VPS53: variants seen among roughly 807,000 people sequenced by gnomAD.
VPS53 encodes the protein vacuolar protein sorting-associated protein 53 homolog.
A neutral mutation model predicts 107.0 loss-of-function variants in VPS53; 70 were observed. The ratio of observed to expected loss-of-function variants is 0.65; its 90% CI spans 0.54 to 0.80. The LOEUF is 0.80. Among genes scored for constraint, VPS53 ranks in the 30% least tolerant of loss-of-function variants. The probability of loss-of-function intolerance (pLI) is 0.00; values close to 1 mark genes in which losing one functional copy is unlikely to be tolerated. For synonymous variants in VPS53, 409 were observed against 393.3 expected, an observed-to-expected ratio of 1.04 and a Z score of -0.47; for missense variants, 917 against 1,049.4, an observed-to-expected ratio of 0.87 and a Z score of 1.74.
intron 7 of VPS53, among the ~76,000 whole-genome samples, chr17:640,547 A>G (rs1178011331): frequency 3.9e-5 from 6 of 152,058 alleles, no homozygotes; most frequent in African/African-American, 9.7e-5. Flanking sequence ...AGAACTGCCT[A>G]TGTCGCCATG....
intron 7 of VPS53, among the ~76,000 whole-genome samples, chr17:641,306 G>A (rs911257276): frequency 6.6e-6 from 1 of 152,172 alleles, no homozygotes; most frequent in African/African-American, 2.4e-5. Flanking sequence ...ATAAGCAATT[G>A]CTTAAATAGG....
chr17:705,850 G>C (rs921769816), intron 2 of VPS53: 1 of 152,420 alleles, frequency 6.6e-6, no homozygotes, highest in Non-Finnish European at 1.5e-5. Context: ...GTTGCAGTGA[G>C]CTATGATTGT....
chr17:689,604 G>A (rs1972708781), intron 4 of VPS53, among the ~76,000 whole-genome samples: 1 of 151,176 alleles, frequency 6.6e-6, no homozygotes, highest in Non-Finnish European at 1.5e-5. Context: ...CTCGTGAGTA[G>A]CTGGGACTAC....
At chr17:531,576 C>T (rs941022023) in intron 19 of VPS53, among the ~76,000 whole-genome samples, 1 of 151,872 alleles carries the variant, frequency 6.6e-6, no homozygotes, top group Admixed American at 6.6e-5. Flanking sequence ...ACGATCATAG[C>T]TCACTTCAGC....
At chr17:656,646 CT>C (rs1216121138) in intron 5 of VPS53, 2 of 546,674 alleles carry the variant, frequency 3.7e-6, no homozygotes, top group Non-Finnish European at 6.4e-6. Context: ...CCCAACTTTA[CT>C]AACACCCAGG....
intron 13 of VPS53, among the ~76,000 whole-genome samples, chr17:582,714 G>A (rs12450660): frequency 0.15 from 16,445 of 111,926 alleles, 1,679 homozygotes; most frequent in East Asian, 0.45. Flanking sequence ...AATGCGTTCC[G>A]AGATAACCTC....
intron 16 of VPS53, 115 bp downstream of exon 16, chr17:553,265 G>A: frequency 6.3e-6 from 5 of 797,856 alleles, no homozygotes. Flanking sequence ...ACATGCTGCT[G>A]TGTAGTGGAG....
At chr17:550,294 G>A (rs16953523) in intron 17 of VPS53, among the ~76,000 whole-genome samples, 27,828 of 152,124 alleles carry the variant, frequency 0.18, 2,861 homozygotes, top group Middle Eastern at 0.28. Context: ...CTCTGGTACT[G>A]GCCAGTATAA....
At chr17:625,765 G>A (rs1229102151) in intron 10 of VPS53, among the ~76,000 whole-genome samples, 1 of 152,064 alleles carries the variant, frequency 6.6e-6, no homozygotes, top group East Asian at 1.9e-4. Flanking sequence ...AAACACTTTT[G>A]CCCCACAATG....
chr17:547,794 T>C (rs773092604), intron 17 of VPS53, among the ~76,000 whole-genome samples: 2 of 152,156 alleles, frequency 1.3e-5, no homozygotes, highest in African/African-American at 2.4e-5. Flanking sequence ...TGTGCCATCA[T>C]GTCCAGCAAA....
At chr17:558,315 A>C (rs1406680673) in intron 15 of VPS53, among the ~76,000 whole-genome samples, 1 of 152,164 alleles carries the variant, frequency 6.6e-6, no homozygotes. Flanking sequence ...AAAATACAAA[A>C]AATTAGCTGT....
At chr17:633,299 CAG>C (rs952871494) in intron 7 of VPS53, among the ~76,000 whole-genome samples, 13 of 152,310 alleles carry the variant, frequency 8.5e-5, no homozygotes, top group African/African-American at 2.9e-4. Flanking sequence ...GCCAGCCTTG[CAG>C]AGAGAGAGTG....
At chr17:669,177 C>T (rs946271185) in intron 4 of VPS53, among the ~76,000 whole-genome samples, 5 of 152,176 alleles carry the variant, frequency 3.3e-5, no homozygotes, top group Admixed American at 1.3e-4. Context: ...CTGGAAGAAT[C>T]ATGGGTCCTA....
At position 636,573 on chromosome 17, in the gene VPS53, T is replaced by G. The variant is rs189730435; in HGVS notation, c.609-4945A>C. Among the ~76,000 whole-genome samples, 143 of 152,328 alleles carry G rather than the reference T, an allele frequency of 9.4e-4. 1 individual carries two copies. Among genetic ancestry groups the G allele is most frequent in the African/African-American group, 3.4e-3 (140 of 41,566 alleles). ...TGGGTTTGTCATAGATAGCTCTTAT[T>G]ATTTTGAGATAAGTCCCATCAATGC... is the stretch of plus-strand genomic sequence containing the variant. On this transcript the variant is annotated intron_variant, in intron 7 of 21. Coordinates refer to ENST00000437048, the MANE Select transcript of VPS53 (RefSeq NM_001128159.3).
intron 19 of VPS53, among the ~76,000 whole-genome samples, chr17:525,111 G>GCA (rs1909033239): frequency 6.6e-6 from 1 of 152,194 alleles, no homozygotes; most frequent in East Asian, 1.9e-4. Context: ...ATGAATGGGT[G>GCA]CACACAGCAT....
chr17:550,776 TAA>T (rs1420487832), intron 17 of VPS53, among the ~76,000 whole-genome samples: 1 of 151,312 alleles, frequency 6.6e-6, no homozygotes, highest in Non-Finnish European at 1.5e-5. Flanking sequence ...CATAGGCACA[TAA>T]AAGTCAAAAA....
intron 19 of VPS53, among the ~76,000 whole-genome samples, chr17:527,304 T>C (rs1909192975): frequency 6.6e-6 from 1 of 152,216 alleles, no homozygotes; most frequent in African/African-American, 2.4e-5. Context: ...TCTCTCACTG[T>C]AGCTAGTTGC....
At chr17:613,039 T>G (rs943315662) in intron 11 of VPS53, among the ~76,000 whole-genome samples, 1 of 147,548 alleles carries the variant, frequency 6.8e-6, no homozygotes, top group African/African-American at 2.5e-5. Flanking sequence ...AGTATTCAAA[T>G]AGTGAATTCA....
chr17:598,798 T>C (rs559957532), intron 12 of VPS53, among the ~76,000 whole-genome samples: 16 of 111,636 alleles, frequency 1.4e-4, no homozygotes, highest in East Asian at 6.9e-4. Context: ...GGAGCCTCTC[T>C]GCCCGGCAGC....
Sources: allele counts gnomAD v4.1 joint callset (sites outside exome capture counted in the v4.1 genomes callset), GRCh38; gene constraint gnomAD v4.1.1; transcripts MANE v1.5; gene names NCBI Gene and HGNC (gene_info 2026-07-23, HGNC 2026-07-21).